The following PPP1R13B variants were observed in gnomAD, a reference collection of about 807,000 sequenced individuals.
PPP1R13B encodes the protein protein phosphatase 1 regulatory subunit 13B.
In PPP1R13B, 44 loss-of-function variants were observed where a neutral mutation model predicts 119.8. The observed-to-expected ratio is 0.37, with a 90% CI of 0.29 to 0.47. The LOEUF (loss-of-function observed/expected upper bound fraction) is 0.47. Among genes scored for constraint, PPP1R13B ranks in the 20% least tolerant of loss-of-function variants. The pLI, the probability that PPP1R13B is intolerant of heterozygous loss-of-function variation, is 0.99. For synonymous variants in PPP1R13B, 542 were observed against 561.5 expected (o/e 0.97, Z 0.49); for missense variants, 1,227 against 1,413.5 (o/e 0.87, Z 2.12).
chr14:103,822,156 C>T (rs1044403488), intron 1 of PPP1R13B, among the ~76,000 whole-genome samples: 3 of 151,264 alleles, frequency 2.0e-5, no homozygotes, highest in Non-Finnish European at 4.4e-5. Context: ...TTTTTGGAGA[C>T]GGAGTTTTGC....
At chr14:103,812,558 T>G (rs2086185088) in intron 1 of PPP1R13B, among the ~76,000 whole-genome samples, 1 of 151,496 alleles carries the variant, frequency 6.6e-6, no homozygotes, top group Non-Finnish European at 1.5e-5. Context: ...TAGCGGGGAT[T>G]GGGGTGCCTG....
chr14:103,846,418 T>C (rs1018246366), intron 1 of PPP1R13B, among the ~76,000 whole-genome samples: 1 of 152,214 alleles, frequency 6.6e-6, no homozygotes, highest in Non-Finnish European at 1.5e-5. Context: ...CAACGTAGTA[T>C]TGTAGGTTAA....
At chr14:103,779,365 C>T (rs1348094638) in intron 3 of PPP1R13B, among the ~76,000 whole-genome samples, 2 of 152,104 alleles carry the variant, frequency 1.3e-5, no homozygotes, top group African/African-American at 2.4e-5. Context: ...TTTCTTTTTA[C>T]ATTCTATCTC....
chr14:103,833,453 G>A (rs1447132892), intron 1 of PPP1R13B, among the ~76,000 whole-genome samples: 1 of 152,052 alleles, frequency 6.6e-6, no homozygotes, highest in Non-Finnish European at 1.5e-5. Flanking sequence ...AGACCAGCCT[G>A]GCCAACATGG....
Position 103,769,260 on chromosome 14 carries a change from A to AT in PPP1R13B, c.354+9484dup, listed in dbSNP as rs57151300. On this transcript the variant is annotated intron_variant, in intron 4 of 16. Transcript: ENST00000202556. ...GCCACCATGCCAGGCTAATATTTGTATTTTTTTTTTAGTAGAGACGGGGCT... is the reference window on the plus strand; with the variant it reads ...GCCACCATGCCAGGCTAATATTTGTATTTTTTTTTTTAGTAGAGACGGGGCT... Among the ~76,000 whole-genome samples, 711 of 147,496 alleles carry AT rather than the reference A, an allele frequency of 4.8e-3. 4 individuals carry two copies. The highest frequency in any genetic ancestry group is 0.014 in the Middle Eastern group (4 of 284).
chr14:103,749,947 A>C lies in PPP1R13B; in HGVS notation c.829-13T>G, dbSNP rs758425407. On this transcript the variant is annotated splice_polypyrimidine_tract_variant and intron_variant, in intron 7 of 16. Coordinates refer to ENST00000202556, the MANE Select transcript of PPP1R13B (RefSeq NM_015316.3). ...GTTGGTTACGAATCTACAAACCACA[A>C]AATACAACCTTTATGATTTGTGTTA... 3 of 1,609,262 alleles carry C rather than the reference A, an allele frequency of 1.9e-6. No individual in the cohort carries two copies. The South Asian group carries it at 3.3e-5, about 18-fold the overall frequency.
intron 1 of PPP1R13B, among the ~76,000 whole-genome samples, chr14:103,814,175 C>A (rs968561492): frequency 1.3e-5 from 2 of 151,974 alleles, no homozygotes; most frequent in Non-Finnish European, 2.9e-5. Context: ...ATGGTGAAAC[C>A]CCGTCTCTAC....
chr14:103,839,262 T>C (rs1269554108), intron 1 of PPP1R13B, among the ~76,000 whole-genome samples: 1 of 151,942 alleles, frequency 6.6e-6, no homozygotes, highest in African/African-American at 2.4e-5. Context: ...TCTGCCCACC[T>C]CAGCCTCCCA....
chr14:103,809,522 A>G (rs771925161), intron 1 of PPP1R13B, among the ~76,000 whole-genome samples: 23 of 152,198 alleles, frequency 1.5e-4, no homozygotes, highest in Non-Finnish European at 2.8e-4. Context: ...ACTAAAACTT[A>G]AAGAATACTC....
chr14:103,746,263 C>A (rs1008974845), intron 9 of PPP1R13B, 110 bp downstream of exon 9: 2 of 1,085,142 alleles, frequency 1.8e-6, no homozygotes, highest in Admixed American at 5.7e-5. Context: ...TGGAGTCTGA[C>A]GATGTGTGGG....
intron 4 of PPP1R13B, among the ~76,000 whole-genome samples, chr14:103,760,400 G>A (rs895579182): frequency 2.0e-5 from 3 of 152,088 alleles, no homozygotes; most frequent in Non-Finnish European, 4.4e-5. Flanking sequence ...GTCAAACCCT[G>A]TTCCCTCAGG....
rs181672266 is a variant in PPP1R13B at position 103,794,279 on chromosome 14, T to C, written c.157+3092A>G. The stretch of plus-strand genomic sequence containing the variant: ...CTATTGAAGGATTCTATCTACGACA[T>C]ACTGATCATACTAATGTCAGCAGTT... On this transcript the variant is annotated intron_variant, in intron 2 of 16. Transcript: ENST00000202556. Among the ~76,000 whole-genome samples, 339 of 152,088 alleles carry C rather than the reference T, an allele frequency of 2.2e-3. 1 individual carries two copies. The highest frequency in any genetic ancestry group is 3.7e-3 in the Non-Finnish European group (249 of 67,984).
chr14:103,847,997 C>T (rs2087111611), upstream of PPP1R13B, among the ~76,000 whole-genome samples: 1 of 151,694 alleles, frequency 6.6e-6, no homozygotes, highest in African/African-American at 2.4e-5. Context: ...GCACTCTGAC[C>T]GCGGCCTGAC....
At chr14:103,809,028 A>G (rs1375047030) in intron 1 of PPP1R13B, among the ~76,000 whole-genome samples, 1 of 152,026 alleles carries the variant, frequency 6.6e-6, no homozygotes, top group Non-Finnish European at 1.5e-5. Context: ...CACCACAGCT[A>G]ATTTTTTTTA....
chr14:103,794,706 G>C (rs1026314508), intron 2 of PPP1R13B: 1 of 421,700 alleles, frequency 2.4e-6, no homozygotes, highest in East Asian at 7.3e-5. Flanking sequence ...CTAGGTAAAA[G>C]GACTGAGAAA....
At chr14:103,815,558 C>T (rs918357467) in intron 1 of PPP1R13B, among the ~76,000 whole-genome samples, 5 of 151,836 alleles carry the variant, frequency 3.3e-5, no homozygotes, top group Non-Finnish European at 7.4e-5. Flanking sequence ...AGTTCCAAGA[C>T]CAGCCCAGCC....
chr14:103,848,237 A>C, upstream of PPP1R13B: 6 of 984,364 alleles, frequency 6.1e-6, no homozygotes, highest in Non-Finnish European at 7.2e-6. Flanking sequence ...TCTCCCGCCT[A>C]GAACCCCGCG....
intron 4 of PPP1R13B, among the ~76,000 whole-genome samples, chr14:103,761,875 A>G (rs945071223): frequency 6.6e-6 from 1 of 152,214 alleles, no homozygotes; most frequent in Non-Finnish European, 1.5e-5. Context: ...AGTCAACCCA[A>G]TTGTTCCTAG....
At chr14:103,804,677 T>G (rs888984629) in intron 1 of PPP1R13B, among the ~76,000 whole-genome samples, 2 of 151,832 alleles carry the variant, frequency 1.3e-5, no homozygotes, top group Admixed American at 6.6e-5. Context: ...AGTGCTGCAG[T>G]GAGCTATGAT....
Sources: gnomAD v4.1 joint callset for allele counts (sites outside exome capture counted in the v4.1 genomes callset) on GRCh38, gnomAD v4.1.1 for gene constraint, MANE v1.5 for transcripts, NCBI Gene and HGNC (gene_info 2026-07-23, HGNC 2026-07-21) for gene names.